Variants in PARN observed in about 807,000 individuals in gnomAD.
The protein encoded by PARN is poly(A)-specific ribonuclease PARN.
In PARN, 71 loss-of-function variants were observed where a neutral mutation model predicts 102.8. That is an observed-to-expected ratio of 0.69 (90% CI 0.57 to 0.84). The LOEUF (loss-of-function observed/expected upper bound fraction) is 0.84. Ranked by LOEUF, PARN falls within the 40% of genes least tolerant of loss-of-function variation. The pLI is 0.00. For synonymous variants in PARN, 261 were observed against 252.9 expected (o/e 1.03, Z -0.30); for missense variants, 782 against 760.9 (o/e 1.03, Z -0.33).
chr16:14,489,581 C>A (rs756905503), intron 21 of PARN, among the ~76,000 whole-genome samples: 1 of 152,082 alleles, frequency 6.6e-6, no homozygotes, highest in Non-Finnish European at 1.5e-5. Flanking sequence ...TCAATGTCTT[C>A]GGTCACATGG....
chr16:14,529,630 G>A (rs1198013994), intron 21 of PARN, among the ~76,000 whole-genome samples: 2 of 152,100 alleles, frequency 1.3e-5, no homozygotes, highest in Non-Finnish European at 2.9e-5. Flanking sequence ...GTTCTCTGCT[G>A]TTCACAAAGT....
chr16:14,454,065 T>C (rs906015846), intron 22 of PARN, among the ~76,000 whole-genome samples: 1 of 152,234 alleles, frequency 6.6e-6, no homozygotes, highest in Non-Finnish European at 1.5e-5. Context: ...TGTTTTGACC[T>C]CATCCCCCTT....
intron 21 of PARN, among the ~76,000 whole-genome samples, chr16:14,513,917 G>A (rs1965325898): frequency 6.6e-6 from 1 of 152,184 alleles, no homozygotes. Flanking sequence ...CATGAGGGCA[G>A]GGCATCTGTT....
At chr16:14,565,524 A>C (rs1179620577) in intron 18 of PARN, among the ~76,000 whole-genome samples, 4 of 152,242 alleles carry the variant, frequency 2.6e-5, no homozygotes, top group Non-Finnish European at 2.9e-5. Flanking sequence ...ACATTATACA[A>C]AGGCAATGCC....
chr16:14,526,459 G>A (rs923682746), intron 21 of PARN, among the ~76,000 whole-genome samples: 1 of 152,130 alleles, frequency 6.6e-6, no homozygotes, highest in East Asian at 1.9e-4. Flanking sequence ...TTACAGGCAT[G>A]AGCCACCGTG....
chr16:14,612,372 G>A (rs1466117265), intron 6 of PARN, among the ~76,000 whole-genome samples: 1 of 151,986 alleles, frequency 6.6e-6, no homozygotes, highest in African/African-American at 2.4e-5. Flanking sequence ...AGGAGGCAGA[G>A]GTTACAGTGA....
intron 21 of PARN, among the ~76,000 whole-genome samples, chr16:14,539,135 T>TC (rs1385545275): frequency 6.6e-6 from 1 of 152,122 alleles, no homozygotes; most frequent in East Asian, 1.9e-4. Flanking sequence ...CCAAAACCAT[T>TC]CCCTACCCCT....
intron 22 of PARN, among the ~76,000 whole-genome samples, chr16:14,459,420 A>G (rs1313103480): frequency 1.3e-5 from 2 of 152,238 alleles, no homozygotes; most frequent in Non-Finnish European, 2.9e-5. Flanking sequence ...ATGACTTACA[A>G]TAGATCAAAA....
chr16:14,612,941 G>T (rs1480106575), intron 6 of PARN, among the ~76,000 whole-genome samples: 1 of 151,376 alleles, frequency 6.6e-6, no homozygotes, highest in Non-Finnish European at 1.5e-5. Context: ...ATTAAAAGCT[G>T]CAGTTACAAG....
At chr16:14,465,860 T>C (rs1332228173) in intron 22 of PARN, among the ~76,000 whole-genome samples, 3 of 152,168 alleles carry the variant, frequency 2.0e-5, no homozygotes, top group Non-Finnish European at 4.4e-5. Context: ...GAAGTATGGA[T>C]GGAGCTAAAG....
intron 21 of PARN, among the ~76,000 whole-genome samples, chr16:14,538,723 CTA>C (rs1966723007): frequency 6.6e-6 from 1 of 152,150 alleles, no homozygotes; most frequent in South Asian, 2.1e-4. Flanking sequence ...CTGTACTGAT[CTA>C]TGTTCCCTGG....
chr16:14,464,494 G>C (rs919200039), intron 22 of PARN, among the ~76,000 whole-genome samples: 2 of 152,112 alleles, frequency 1.3e-5, no homozygotes, highest in Non-Finnish European at 2.9e-5. Flanking sequence ...GGTGGCTCAC[G>C]CCTGTAATCC....
intron 21 of PARN, among the ~76,000 whole-genome samples, chr16:14,542,469 C>A (rs940453536): frequency 6.6e-6 from 1 of 151,648 alleles, no homozygotes; most frequent in Non-Finnish European, 1.5e-5. Flanking sequence ...AAAATGTGCA[C>A]CACCACAGCC....
chr16:14,452,846 A>G (rs117823335), intron 22 of PARN, among the ~76,000 whole-genome samples: 1 of 152,370 alleles, frequency 6.6e-6, no homozygotes, highest in East Asian at 1.9e-4. Context: ...TATATCCCAT[A>G]TAACTTAACT....
chr16:14,615,064 G>A (rs762380282), intron 6 of PARN, among the ~76,000 whole-genome samples: 116 of 151,882 alleles, frequency 7.6e-4, no homozygotes, highest in Non-Finnish European at 1.3e-3. Flanking sequence ...AGGAACTTGA[G>A]AGAAGACTGC....
At chr16:14,496,591 T>C (rs1440761763) in intron 21 of PARN, among the ~76,000 whole-genome samples, 6 of 152,194 alleles carry the variant, frequency 3.9e-5, no homozygotes, top group Non-Finnish European at 8.8e-5. Flanking sequence ...AAATTAAGAT[T>C]GATGTCTCAA....
At chr16:14,557,850 G>A (rs751299194) in intron 18 of PARN, among the ~76,000 whole-genome samples, 1 of 152,114 alleles carries the variant, frequency 6.6e-6, no homozygotes, top group Non-Finnish European at 1.5e-5. Flanking sequence ...GATACATAAA[G>A]CACCTAGCAT....
intron 21 of PARN, among the ~76,000 whole-genome samples, chr16:14,530,179 G>A (rs1304935376): frequency 6.6e-6 from 1 of 152,180 alleles, no homozygotes; most frequent in African/African-American, 2.4e-5. Flanking sequence ...CCTTCTCTTG[G>A]TGAGCAGCAC....
At chr16:14,559,750 G>GA (rs1320758005) in intron 18 of PARN, among the ~76,000 whole-genome samples, 2 of 151,992 alleles carry the variant, frequency 1.3e-5, no homozygotes, top group Non-Finnish European at 2.9e-5. Context: ...CCTTTCAAAT[G>GA]AATTATTAAT....
Sources: gnomAD v4.1 joint callset for allele counts (sites outside exome capture counted in the v4.1 genomes callset) on GRCh38, gnomAD v4.1.1 for gene constraint, MANE v1.5 for transcripts, NCBI Gene and HGNC (gene_info 2026-07-23, HGNC 2026-07-21) for gene names.